The following MAP3K20 variants were observed in gnomAD, a reference collection of about 807,000 sequenced individuals.
MAP3K20 encodes mitogen-activated protein kinase kinase kinase 20.
MAP3K20 carries 40 observed loss-of-function variants against 85.7 expected under a neutral mutation model. The observed-to-expected ratio is 0.47, with a 90% CI of 0.36 to 0.61. MAP3K20 has a LOEUF of 0.61. Ranked by LOEUF, MAP3K20 falls within the 20% of genes least tolerant of loss-of-function variation. The pLI is 0.00. For missense variants in MAP3K20, 817 were observed against 961.7 expected (o/e 0.85, Z 1.99); for synonymous variants, 325 against 327.7 (o/e 0.99, Z 0.09).
chr2:173,160,990 T>G (rs1055095979), intron 2 of MAP3K20, among the ~76,000 whole-genome samples: 2 of 152,188 alleles, frequency 1.3e-5, no homozygotes, highest in Admixed American at 1.3e-4. Flanking sequence ...TCTGTAGAGG[T>G]GACTTTGGAA....
At chr2:173,151,622 G>C (rs1448329776) in intron 2 of MAP3K20, among the ~76,000 whole-genome samples, 1 of 152,214 alleles carries the variant, frequency 6.6e-6, no homozygotes, top group Non-Finnish European at 1.5e-5. Flanking sequence ...TTATCGAAAT[G>C]TGCAGGCATG....
chr2:173,209,081 T>C (rs1170642954), intron 9 of MAP3K20, among the ~76,000 whole-genome samples: 1 of 152,220 alleles, frequency 6.6e-6, no homozygotes, highest in Non-Finnish European at 1.5e-5. Flanking sequence ...GGTTTTTTCT[T>C]GTTTTTACTT....
At chr2:173,252,518 C>G (rs1685062184) in intron 16 of MAP3K20, among the ~76,000 whole-genome samples, 1 of 152,208 alleles carries the variant, frequency 6.6e-6, no homozygotes, top group Non-Finnish European at 1.5e-5. Flanking sequence ...TCATGTCAAA[C>G]ACACACATTC....
At position 173,198,047 on chromosome 2, in the gene MAP3K20, A is replaced by G; in HGVS notation, c.604A>G (p.Arg202Gly). 1 of 1,612,650 alleles carries G rather than the reference A, an allele frequency of 6.2e-7. No individual in the cohort carries two copies. Residue 202 changes from arginine (R) to glycine (G), a missense_variant, in exon 8 of 20, where the codon AGG (arginine) becomes GGG (glycine). This residue lies in a region of MAP3K20 where 200 missense variants were observed against 302.7 expected (regional missense o/e 0.66). Transcript: ENST00000375213. This position sits in a 1 kb window ranked among gnomAD's most constrained non-coding sequence, Gnocchi z 5.8. The stretch of plus-strand genomic sequence containing the variant: ...CCAGGTTCTCTGGGAGATGCTAACA[A>G]GGGAGGTCCCCTTTAAAGGTTTGGA... ...YGVVLWEMLT[R>G]EVPFKGLEGL... is the part of the protein sequence containing the mutation.
chr2:173,103,417 A>G (rs990056669), intron 2 of MAP3K20, among the ~76,000 whole-genome samples: 4 of 152,204 alleles, frequency 2.6e-5, no homozygotes, highest in Non-Finnish European at 1.5e-5. Context: ...GATTTTAGGA[A>G]GAGATCAAAT....
intron 1 of MAP3K20, among the ~76,000 whole-genome samples, chr2:173,080,930 G>A (rs1377165376): frequency 6.6e-6 from 1 of 152,150 alleles, no homozygotes; most frequent in Non-Finnish European, 1.5e-5. Context: ...GAAAAGGAAA[G>A]AATTGCTGTC....
intron 2 of MAP3K20, among the ~76,000 whole-genome samples, chr2:173,169,375 T>C (rs946750509): frequency 6.6e-6 from 1 of 152,134 alleles, no homozygotes; most frequent in South Asian, 2.1e-4. Context: ...AAGACAGCTT[T>C]AGCAGAATCA....
At chr2:173,265,980 G>A (rs1452122155) in intron 19 of MAP3K20, 70 bp from the exon 20 acceptor site, 99 of 1,456,938 alleles carry the variant, frequency 6.8e-5, no homozygotes, top group Middle Eastern at 4.5e-4. Context: ...ATTATCCTAA[G>A]ACAGGCGTAT....
intron 16 of MAP3K20, among the ~76,000 whole-genome samples, chr2:173,246,091 T>C (rs528709195): frequency 2.2e-4 from 34 of 152,300 alleles, no homozygotes; most frequent in Non-Finnish European, 4.6e-4. Context: ...AAAGGGCATA[T>C]TTGTGTAATT....
chr2:173,188,307 TCA>T (rs1690550341), intron 5 of MAP3K20, among the ~76,000 whole-genome samples: 1 of 152,198 alleles, frequency 6.6e-6, no homozygotes. Context: ...TTACATCACT[TCA>T]GAGTTATCTG....
At chr2:173,264,637 G>GCAGT (rs1391253046) in intron 19 of MAP3K20, among the ~76,000 whole-genome samples, 1 of 152,192 alleles carries the variant, frequency 6.6e-6, no homozygotes, top group Non-Finnish European at 1.5e-5. Flanking sequence ...GAGCCAGAAT[G>GCAGT]CAGTCAACTC....
At chr2:173,127,492 A>G (rs1212596158) in intron 2 of MAP3K20, among the ~76,000 whole-genome samples, 1 of 152,244 alleles carries the variant, frequency 6.6e-6, no homozygotes, top group East Asian at 1.9e-4. Flanking sequence ...GCACGTTTTC[A>G]TTTTGAAGAG....
At chr2:173,211,971 TATAAG>T (rs1250724969) in intron 10 of MAP3K20, 1 of 152,054 alleles carries the variant, frequency 6.6e-6, no homozygotes, top group Non-Finnish European at 1.5e-5. Context: ...CGGGCTGAAA[TATAAG>T]AGAGGCAGAC....
In MAP3K20 at chr2:173,208,169, G is replaced by A. The variant is rs938081109; in HGVS notation, c.745-1560G>A. Among the ~76,000 whole-genome samples the A allele has an allele frequency of 3.9e-5, 6 of 152,156 alleles. No individual in the cohort carries two copies. In the East Asian group the frequency reaches 7.7e-4, roughly 20 times the overall value. ...AATCCCATCACTTTAGGAGGCTGAG[G>A]CAGGAAGATCACTTGGGACAAGGAG... On this transcript the variant is annotated intron_variant, in intron 9 of 19. Coordinates refer to ENST00000375213, the MANE Select transcript of MAP3K20 (RefSeq NM_016653.3).
intron 12 of MAP3K20, among the ~76,000 whole-genome samples, chr2:173,231,898 T>G (rs1574140782): frequency 6.6e-6 from 1 of 152,260 alleles, no homozygotes; most frequent in Non-Finnish European, 1.5e-5. Context: ...CACTGGCACA[T>G]AAATGGAAAA....
chr2:173,107,903 G>C (rs118171275), intron 2 of MAP3K20, among the ~76,000 whole-genome samples: 2 of 152,118 alleles, frequency 1.3e-5, no homozygotes. Flanking sequence ...GAACATATTC[G>C]AGATTTCTCC....
rs955337672 is a variant in MAP3K20, at chr2:173,223,299, T to C, written c.987+6049T>C. On this transcript the variant is annotated intron_variant, in intron 11 of 19. Transcript: ENST00000375213. ...TGCTTGACAACCTTGGGAAAATTGT[T>C]TTATCTTTGTGCGTCTGTTTGCTGA... The C allele has an allele frequency of 1.3e-4, 127 of 954,252 alleles. No homozygotes were observed. In the Middle Eastern group the frequency reaches 2.2e-3, roughly 16 times the overall value. The allele number at this position is 954,252 out of a possible 1,614,324, so 59.1% of individuals were successfully genotyped here. A position where few individuals can be genotyped will look rare whatever the true frequency, so the allele number is the denominator to read the frequency against.
intron 2 of MAP3K20, among the ~76,000 whole-genome samples, chr2:173,125,176 C>T (rs1688406753): frequency 6.6e-6 from 1 of 152,148 alleles, no homozygotes; most frequent in African/African-American, 2.4e-5. Flanking sequence ...ACCATTTTGT[C>T]TTCCCTATTT....
intron 11 of MAP3K20, chr2:173,223,450 A>G (rs948818039): frequency 1.0e-6 from 1 of 985,232 alleles, no homozygotes; most frequent in Non-Finnish European, 1.2e-6. Context: ...GTTAGCTACT[A>G]TGAATGGTGC....
Sources: allele counts gnomAD v4.1 joint callset (sites outside exome capture counted in the v4.1 genomes callset), GRCh38; gene constraint gnomAD v4.1.1; regional missense constraint gnomAD v4.1.1; non-coding constraint Gnocchi (gnomAD v3.1); transcripts MANE v1.5; gene names NCBI Gene and HGNC (gene_info 2026-07-23, HGNC 2026-07-21).